Variants in COL5A2 observed in about 807,000 individuals in gnomAD.
COL5A2 encodes the protein collagen alpha-2(V) chain.
In COL5A2, 23 loss-of-function variants were observed where a neutral mutation model predicts 208.2. The ratio of observed to expected loss-of-function variants is 0.11; its 90% CI spans 0.08 to 0.16. The LOEUF (loss-of-function observed/expected upper bound fraction) is 0.16, where lower values mean the gene tolerates loss of function less well. COL5A2 is among the 10% of genes least tolerant of loss of function. COL5A2 has a pLI of 1.00. For synonymous variants in COL5A2, 625 were observed against 628.5 expected, an observed-to-expected ratio of 0.99 and a Z score of 0.08; for missense variants, 1,590 against 1,956.4, an observed-to-expected ratio of 0.81 and a Z score of 3.53.
chr2:189,072,204 C>T (rs1159969460), intron 17 of COL5A2, 111 bp from the exon 18 acceptor site: 4 of 714,630 alleles, frequency 5.6e-6, no homozygotes, highest in Non-Finnish European at 9.9e-6. Flanking sequence ...AATAACCTGC[C>T]TTTCACTTTA....
intron 1 of COL5A2, among the ~76,000 whole-genome samples, chr2:189,131,877 T>C (rs1687722619): frequency 1.3e-5 from 2 of 152,236 alleles, no homozygotes; most frequent in South Asian, 4.1e-4. Flanking sequence ...AAAGAAATTA[T>C]ACGTGTAAAT....
chr2:189,360,852 A>C, the COL5A2 span, among the ~76,000 whole-genome samples: 1 of 152,024 alleles, frequency 6.6e-6, no homozygotes, highest in East Asian at 1.9e-4. Context: ...TAATACTTAT[A>C]AGTGAGAACA....
At chr2:189,252,146 A>G in the COL5A2 span, among the ~76,000 whole-genome samples, 27 of 152,172 alleles carry the variant, frequency 1.8e-4, no homozygotes, top group African/African-American at 6.0e-4. Context: ...AAATAGGAAC[A>G]CTTTTACACT....
At chr2:189,424,954 AAC>A in the COL5A2 span, among the ~76,000 whole-genome samples, 3 of 152,208 alleles carry the variant, frequency 2.0e-5, no homozygotes, top group Admixed American at 6.5e-5. Context: ...CTAACATAAA[AAC>A]AGATATATAT....
the COL5A2 span, among the ~76,000 whole-genome samples, chr2:189,234,123 A>G: frequency 8.6e-5 from 13 of 151,626 alleles, no homozygotes; most frequent in African/African-American, 2.9e-4. Context: ...CTTTTATAAC[A>G]TTGATTAAGC....
chr2:189,150,844 A>G (rs770672514), intron 1 of COL5A2, among the ~76,000 whole-genome samples: 1 of 152,152 alleles, frequency 6.6e-6, no homozygotes, highest in Non-Finnish European at 1.5e-5. Context: ...TAGCATCCAT[A>G]AGTGGCTGTA....
At chr2:189,322,395 T>C in the COL5A2 span, among the ~76,000 whole-genome samples, 1 of 152,150 alleles carries the variant, frequency 6.6e-6, no homozygotes, top group Non-Finnish European at 1.5e-5. Context: ...AGGAGCTGAC[T>C]TTTTGAAAAA....
Position 189,067,969 on chromosome 2 carries a change from T to C in COL5A2, c.1401+46A>G, listed in dbSNP as rs1457724690. The C allele has an allele frequency of 2.1e-6, 3 of 1,450,150 alleles. 1 individual carries two copies. In the South Asian group the frequency reaches 3.4e-5, roughly 17 times the overall value. 89.8% of individuals were successfully genotyped at this position (1,450,150 alleles called of 1,614,324 possible). A position where few individuals can be genotyped will look rare whatever the true frequency, so the allele number is the denominator to read the frequency against. ...GACATGTTATTACTCTTGGCCCTCGTAGTTAGATTACACTAAAGGATGATA... is the reference window on the plus strand; with the variant it reads ...GACATGTTATTACTCTTGGCCCTCGCAGTTAGATTACACTAAAGGATGATA... On this transcript the variant is annotated intron_variant, in intron 21 of 53. Coordinates refer to ENST00000374866, the MANE Select transcript of COL5A2 (RefSeq NM_000393.5).
At chr2:189,430,566 C>G in the COL5A2 span, among the ~76,000 whole-genome samples, 1 of 152,224 alleles carries the variant, frequency 6.6e-6, no homozygotes, top group Admixed American at 6.5e-5. Flanking sequence ...CCGCAGGACC[C>G]ACACCCACGG....
the COL5A2 span, among the ~76,000 whole-genome samples, chr2:189,377,684 T>C: frequency 2.6e-5 from 4 of 152,168 alleles, no homozygotes; most frequent in East Asian, 7.7e-4. Flanking sequence ...AAAGTGACAA[T>C]CTTGCAACTT....
the COL5A2 span, among the ~76,000 whole-genome samples, chr2:189,255,381 G>C: frequency 6.6e-6 from 1 of 152,120 alleles, no homozygotes; most frequent in Admixed American, 6.5e-5. Flanking sequence ...AATGCCATCT[G>C]TACTTCTGCT....
At chr2:189,264,537 G>T in the COL5A2 span, among the ~76,000 whole-genome samples, 3 of 152,058 alleles carry the variant, frequency 2.0e-5, no homozygotes, top group African/African-American at 7.2e-5. Context: ...ATACATGATG[G>T]TAAAACCATA....
the COL5A2 span, among the ~76,000 whole-genome samples, chr2:189,436,315 C>T: frequency 6.6e-6 from 1 of 152,016 alleles, no homozygotes; most frequent in Admixed American, 6.6e-5. Flanking sequence ...AGCTTCTGCA[C>T]AGCAAAAGAA....
chr2:189,333,235 C>T, the COL5A2 span, among the ~76,000 whole-genome samples: 86,715 of 151,834 alleles, frequency 0.57, 26,423 homozygotes, highest in East Asian at 0.71. Context: ...AAACAGAAAA[C>T]GCACTAACAA....
rs183264976 is a variant in COL5A2, at chr2:189,198,091, C to T, written c.-42+27057G>A. ...GTCTCAATCTCCTGACCTCGTGATC[C>T]GCCTGCTTACCTTAACCTTTAATAT... is the stretch of plus-strand genomic sequence containing the variant. On this transcript the variant is annotated intron_variant, in intron 1 of 10. Coordinates refer to the COL5A2 transcript ENST00000649966. 7.4e-4 allele frequency among the ~76,000 whole-genome samples: 113 copies of T among 152,170 alleles called. No homozygotes were observed. The Middle Eastern group carries it at 0.017, about 23-fold the overall frequency.
In COL5A2 at chr2:189,061,575, G is replaced by A. The variant is rs1449702845; in HGVS notation, c.2018C>T (p.Pro673Leu). ...GERGEQGPPG[P>L]TGFQGLPGPP... ...ATTAGTGCATACCTGAAAACCTGTG[G>A]GGCCTGGAGGTCCTTGTTCTCCTCT... Residue 673 changes from proline to leucine, a missense_variant, in exon 30 of 54, where the codon CCC (proline) becomes CTC (leucine). Coordinates refer to ENST00000374866, the MANE Select transcript of COL5A2 (RefSeq NM_000393.5). 3 of 1,612,958 alleles carry A rather than the reference G, an allele frequency of 1.9e-6. No homozygotes were observed. The South Asian group carries it at 3.3e-5, about 18-fold the overall frequency.
chr2:189,398,838 T>A, the COL5A2 span, among the ~76,000 whole-genome samples: 2 of 152,208 alleles, frequency 1.3e-5, no homozygotes, highest in Non-Finnish European at 1.5e-5. Context: ...TGCTGTTATC[T>A]TTATTCCTCT....
the COL5A2 span, among the ~76,000 whole-genome samples, chr2:189,318,761 G>A: frequency 6.6e-6 from 1 of 152,118 alleles, no homozygotes; most frequent in African/African-American, 2.4e-5. Context: ...TCAGATCTGG[G>A]GGAGGAAATA....
At chr2:189,323,521 C>T in the COL5A2 span, among the ~76,000 whole-genome samples, 1 of 152,018 alleles carries the variant, frequency 6.6e-6, no homozygotes, top group Non-Finnish European at 1.5e-5. Flanking sequence ...TTCTTATACA[C>T]CAATAACAGA....
Sources: gnomAD v4.1 joint callset for allele counts (sites outside exome capture counted in the v4.1 genomes callset) on GRCh38, gnomAD v4.1.1 for gene constraint, MANE v1.5 for transcripts, NCBI Gene and HGNC (gene_info 2026-07-23, HGNC 2026-07-21) for gene names.